ADAMTSL1: variants seen among roughly 807,000 people sequenced by gnomAD.
The protein encoded by ADAMTSL1 is ADAMTS like 1.
Under a neutral mutation model 201.8 loss-of-function variants are expected in ADAMTSL1, and 126 were observed. The observed-to-expected ratio is 0.62, with a 90% confidence interval of 0.54 to 0.72. The LOEUF is 0.72. Among genes scored for constraint, ADAMTSL1 ranks in the 30% least tolerant of loss-of-function variants. The pLI is 0.00. For synonymous variants in ADAMTSL1, 1,121 were observed against 903.4 expected, an observed-to-expected ratio of 1.24 and a Z score of -4.32; for missense variants, 2,679 against 2,277.8, an observed-to-expected ratio of 1.18 and a Z score of -3.59.
chr9:18,509,530 A>C (rs1251698002), intron 2 of ADAMTSL1, among the ~76,000 whole-genome samples: 1 of 152,210 alleles, frequency 6.6e-6, no homozygotes, highest in Non-Finnish European at 1.5e-5. Context: ...TCACATATCT[A>C]GGGTTGGCTG....
chr9:18,449,629 T>C (rs1244067168), intron 2 of ADAMTSL1, among the ~76,000 whole-genome samples: 1 of 152,162 alleles, frequency 6.6e-6, no homozygotes, highest in Non-Finnish European at 1.5e-5. Flanking sequence ...CAAAGACACA[T>C]ATCAGATAAA....
chr9:18,305,826 G>GAGGGAGTAATCCC lies in ADAMTSL1; in HGVS notation c.207+141845_207+141846insAGGGAGTAATCCC, dbSNP rs1833887551. Among the ~76,000 whole-genome samples, 3 of 152,172 alleles carry GAGGGAGTAATCCC rather than the reference G, an allele frequency of 2.0e-5. No homozygotes were observed. In the South Asian group the frequency reaches 6.2e-4, roughly 32 times the overall value. ...CTGCCTGTTGGCCTTGAAGAGAGCAGTGGATCACGCAGCACAGCACTCAAG... is the reference window on the plus strand; with the variant it reads ...CTGCCTGTTGGCCTTGAAGAGAGCAGAGGGAGTAATCCCTGGATCACGCAGCACAGCACTCAAG... On this transcript the variant is annotated intron_variant, in intron 2 of 29. Coordinates refer to the ADAMTSL1 transcript ENST00000680146.
intron 14 of ADAMTSL1, among the ~76,000 whole-genome samples, chr9:18,716,342 A>G (rs1832929618): frequency 1.3e-5 from 2 of 151,622 alleles, no homozygotes; most frequent in East Asian, 3.9e-4. Flanking sequence ...TACTCATCTG[A>G]CAAAGGGCTA....
intron 15 of ADAMTSL1, among the ~76,000 whole-genome samples, chr9:18,724,993 G>T (rs533847506): frequency 6.6e-6 from 1 of 151,416 alleles, no homozygotes; most frequent in Non-Finnish European, 1.5e-5. Context: ...TGCAAGCTCC[G>T]CCTCCCGGGT....
chr9:18,220,966 G>A (rs543316690), intron 2 of ADAMTSL1, among the ~76,000 whole-genome samples: 8 of 151,998 alleles, frequency 5.3e-5, no homozygotes, highest in African/African-American at 1.7e-4. Flanking sequence ...GTAGGGACAG[G>A]GTTTTGCCAT....
intron 15 of ADAMTSL1, among the ~76,000 whole-genome samples, chr9:18,747,496 T>C (rs1819216338): frequency 1.3e-5 from 2 of 151,952 alleles, no homozygotes; most frequent in African/African-American, 4.8e-5. Flanking sequence ...GTGACTCTGG[T>C]GGCATGGCAT....
At chr9:18,444,336 G>T (rs1175186819) in intron 2 of ADAMTSL1, among the ~76,000 whole-genome samples, 1 of 152,030 alleles carries the variant, frequency 6.6e-6, no homozygotes, top group Non-Finnish European at 1.5e-5. Flanking sequence ...TCCTTTTATG[G>T]ATGAGGCCAT....
At chr9:18,305,852 C>G (rs1833888631) in intron 2 of ADAMTSL1, among the ~76,000 whole-genome samples, 1 of 152,002 alleles carries the variant, frequency 6.6e-6, no homozygotes, top group African/African-American at 2.4e-5. Flanking sequence ...AGCACTCAAG[C>G]TCTACTAAGA....
At chr9:18,793,717 A>G (rs1481440848) in intron 19 of ADAMTSL1, among the ~76,000 whole-genome samples, 4 of 152,162 alleles carry the variant, frequency 2.6e-5, no homozygotes, top group African/African-American at 9.7e-5. Flanking sequence ...CTGTGCTATC[A>G]AATAAACTGT....
intron 2 of ADAMTSL1, among the ~76,000 whole-genome samples, chr9:18,418,765 C>T (rs981059316): frequency 3.3e-5 from 5 of 152,062 alleles, no homozygotes; most frequent in Admixed American, 2.6e-4. Flanking sequence ...ATGTTAATTC[C>T]CCACAAATTG....
intron 2 of ADAMTSL1, among the ~76,000 whole-genome samples, chr9:18,420,100 A>T (rs979735454): frequency 6.6e-6 from 1 of 152,208 alleles, no homozygotes; most frequent in Admixed American, 6.5e-5. Flanking sequence ...AGTTTTCACC[A>T]TTACAGTTTC....
intron 16 of ADAMTSL1, among the ~76,000 whole-genome samples, chr9:18,767,301 C>T (rs559753681): frequency 6.6e-6 from 1 of 152,246 alleles, no homozygotes; most frequent in Non-Finnish European, 1.5e-5. Flanking sequence ...AGAAAAATTA[C>T]AGTAAGTTCA....
intron 23 of ADAMTSL1, among the ~76,000 whole-genome samples, chr9:18,850,819 T>A (rs1826445152): frequency 6.6e-6 from 1 of 152,224 alleles, no homozygotes; most frequent in African/African-American, 2.4e-5. Context: ...TTTAACTTAC[T>A]TTTTAATTGA....
intron 16 of ADAMTSL1, among the ~76,000 whole-genome samples, chr9:18,766,802 A>T (rs78086241): frequency 0.055 from 6,575 of 120,340 alleles, 503 homozygotes; most frequent in African/African-American, 0.21. Flanking sequence ...ATCTCCCAAA[A>T]GTCCTCACCC....
intron 1 of ADAMTSL1, among the ~76,000 whole-genome samples, chr9:18,099,651 T>C (rs1477552541): frequency 1.4e-5 from 2 of 141,842 alleles, no homozygotes; most frequent in African/African-American, 5.7e-5. Flanking sequence ...TTTTTTTTTT[T>C]TCTTGAGATG....
intron 2 of ADAMTSL1, among the ~76,000 whole-genome samples, chr9:18,348,485 T>A (rs1338414810): frequency 1.3e-5 from 2 of 152,208 alleles, no homozygotes; most frequent in Non-Finnish European, 2.9e-5. Context: ...TTTTGTGACA[T>A]GTAAGTGAGC....
At chr9:18,727,168 A>C (rs1817942474) in intron 15 of ADAMTSL1, among the ~76,000 whole-genome samples, 1 of 152,238 alleles carries the variant, frequency 6.6e-6, no homozygotes, top group South Asian at 2.1e-4. Context: ...CTGCCTTTTA[A>C]CACAATCATA....
At chr9:18,899,892 T>C (rs1829902175) in intron 26 of ADAMTSL1, among the ~76,000 whole-genome samples, 1 of 152,216 alleles carries the variant, frequency 6.6e-6, no homozygotes, top group African/African-American at 2.4e-5. Flanking sequence ...AAAGATTTCA[T>C]GATGTAGATG....
rs780913546 is a variant in ADAMTSL1, at chr9:18,304,264, C to G, written c.207+140283C>G. On this transcript the variant is annotated intron_variant, in intron 2 of 29. Coordinates refer to the ADAMTSL1 transcript ENST00000680146. ...GAAGTGACGGTGGCAAGAAGGGGGT[C>G]TAGAGCTTGGCCCACTTCTTTCACT... Among the ~76,000 whole-genome samples the G allele has an allele frequency of 3.0e-4, 45 of 151,868 alleles. 1 individual carries two copies. Among genetic ancestry groups the G allele is most frequent in the Admixed American group, 1.1e-3 (17 of 15,254 alleles).
Sources: gnomAD v4.1 joint callset for allele counts (sites outside exome capture counted in the v4.1 genomes callset) on GRCh38, gnomAD v4.1.1 for gene constraint, MANE v1.5 for transcripts, NCBI Gene and HGNC (gene_info 2026-07-23, HGNC 2026-07-21) for gene names.